CACNA2D3: variants seen among roughly 807,000 people sequenced by gnomAD.
CACNA2D3 encodes the protein calcium voltage-gated channel auxiliary subunit alpha2delta 3, also known as voltage-dependent calcium channel subunit alpha-2/delta-3.
Under a neutral mutation model 160.6 loss-of-function variants are expected in CACNA2D3, and 60 were observed. The observed-to-expected ratio is 0.37, with a 90% CI of 0.30 to 0.46. CACNA2D3 has a LOEUF of 0.46. Ranked by LOEUF, CACNA2D3 falls within the 20% of genes least tolerant of loss-of-function variation. CACNA2D3 has a pLI of 1.00. For synonymous variants in CACNA2D3, 558 were observed against 492.9 expected (o/e 1.13, Z -1.75); for missense variants, 1,205 against 1,365.0 (o/e 0.88, Z 1.85).
chr3:54,356,930 G>C (rs1432089314), intron 3 of CACNA2D3, among the ~76,000 whole-genome samples: 2 of 151,988 alleles, frequency 1.3e-5, no homozygotes, highest in Non-Finnish European at 2.9e-5. Flanking sequence ...ATTCTTCCTG[G>C]TACTTAGCAA....
At chr3:55,018,507 G>A (rs985550275) in intron 35 of CACNA2D3, among the ~76,000 whole-genome samples, 190 bp downstream of exon 35, 3 of 152,206 alleles carry the variant, frequency 2.0e-5, no homozygotes, top group Non-Finnish European at 2.9e-5. Flanking sequence ...TAGACACTGG[G>A]AAGCATTCAG....
At chr3:54,243,251 C>T (rs1211862934) in intron 2 of CACNA2D3, among the ~76,000 whole-genome samples, 9 of 152,164 alleles carry the variant, frequency 5.9e-5, no homozygotes, top group South Asian at 2.1e-4. Context: ...GGGAGACCCG[C>T]GATTGCGTGG....
intron 9 of CACNA2D3, among the ~76,000 whole-genome samples, chr3:54,616,189 T>G (rs911900206): frequency 2.0e-5 from 3 of 152,200 alleles, no homozygotes; most frequent in Non-Finnish European, 4.4e-5. Context: ...CTGACTGGGT[T>G]GTTCTGGCTC....
chr3:54,622,649 G>A (rs940095568), intron 9 of CACNA2D3, among the ~76,000 whole-genome samples: 1 of 151,814 alleles, frequency 6.6e-6, no homozygotes, highest in Non-Finnish European at 1.5e-5. Flanking sequence ...CAATAACAAT[G>A]ATATGATGGC....
chr3:54,871,685 GGGGC>G, intron 18 of CACNA2D3, 63 bp downstream of exon 18: 3 of 1,319,396 alleles, frequency 2.3e-6, no homozygotes, highest in Non-Finnish European at 3.2e-6. Context: ...TCTGTACCTG[GGGGC>G]GATCCCAGGA....
intron 9 of CACNA2D3, among the ~76,000 whole-genome samples, chr3:54,594,453 T>A (rs1451615851): frequency 6.6e-6 from 1 of 152,208 alleles, no homozygotes; most frequent in Non-Finnish European, 1.5e-5. Context: ...AACATTAGCA[T>A]CAGGTTAAAA....
At chr3:54,927,965 G>GGTCACA in intron 27 of CACNA2D3, 1 of 1,575,612 alleles carries the variant, frequency 6.3e-7, no homozygotes, top group East Asian at 2.2e-5. Flanking sequence ...TAATTAATGT[G>GGTCACA]CAGAGCAACA....
At chr3:54,261,181 T>C (rs1702394192) in intron 2 of CACNA2D3, among the ~76,000 whole-genome samples, 2 of 152,210 alleles carry the variant, frequency 1.3e-5, no homozygotes, top group South Asian at 2.1e-4. Flanking sequence ...TTTTAGCATC[T>C]CTCTTCAGCT....
intron 4 of CACNA2D3, among the ~76,000 whole-genome samples, chr3:54,413,255 G>C (rs532639506): frequency 3.1e-4 from 47 of 151,100 alleles, no homozygotes; most frequent in Admixed American, 9.2e-4. Context: ...TGATATATCC[G>C]CCAACATTTG....
At chr3:54,687,121 C>CTTTTTCTTTT in intron 11 of CACNA2D3, among the ~76,000 whole-genome samples, 18 of 94,932 alleles carry the variant, frequency 1.9e-4, no homozygotes, top group Non-Finnish European at 3.3e-4. Flanking sequence ...TTTTCTTTTT[C>CTTTTTCTTTT]TTTTTTTTTT....
chr3:54,718,594 A>G (rs775119254), intron 11 of CACNA2D3, among the ~76,000 whole-genome samples: 6 of 151,962 alleles, frequency 3.9e-5, no homozygotes, highest in Non-Finnish European at 8.8e-5. Flanking sequence ...TGTAAGTCCT[A>G]ATATCTGGTA....
chr3:54,178,241 T>A (rs1439561384), intron 2 of CACNA2D3, among the ~76,000 whole-genome samples: 1 of 152,242 alleles, frequency 6.6e-6, no homozygotes, highest in East Asian at 1.9e-4. Context: ...TGCCCTAAGA[T>A]GAGAAGCTCT....
intron 9 of CACNA2D3, among the ~76,000 whole-genome samples, chr3:54,600,061 TTG>T (rs1703034318): frequency 1.3e-5 from 2 of 152,062 alleles, no homozygotes; most frequent in African/African-American, 4.8e-5. Flanking sequence ...GGACTGGAGG[TTG>T]GAGCTGAAGG....
chr3:54,168,358 A>G (rs1700496892), intron 2 of CACNA2D3, among the ~76,000 whole-genome samples: 1 of 152,196 alleles, frequency 6.6e-6, no homozygotes, highest in African/African-American at 2.4e-5. Flanking sequence ...TTCCTGCAAA[A>G]ATATCATTGG....
intron 27 of CACNA2D3, among the ~76,000 whole-genome samples, chr3:54,907,977 A>T (rs1700482005): frequency 6.6e-6 from 1 of 152,216 alleles, no homozygotes; most frequent in Admixed American, 6.5e-5. Context: ...TCATAAGTTG[A>T]TGGATGCTTT....
chr3:54,817,457 C>T (rs1703481994), intron 14 of CACNA2D3, among the ~76,000 whole-genome samples: 1 of 152,176 alleles, frequency 6.6e-6, no homozygotes, highest in Admixed American at 6.5e-5. Context: ...CAGAAAGACT[C>T]CATGTGGTTG....
intron 11 of CACNA2D3, among the ~76,000 whole-genome samples, chr3:54,696,281 C>CG (rs1700664646): frequency 1.3e-5 from 2 of 152,276 alleles, no homozygotes; most frequent in African/African-American, 4.8e-5. Context: ...CATCTCAAGA[C>CG]GGTGGGCTGG....
chr3:54,857,471 G>A (rs1699197948), intron 17 of CACNA2D3, among the ~76,000 whole-genome samples: 1 of 152,122 alleles, frequency 6.6e-6, no homozygotes, highest in Non-Finnish European at 1.5e-5. Flanking sequence ...GCCAAAGACT[G>A]CCCTTCTCAG....
At chr3:54,958,629 CA>C (rs1385633735) in intron 27 of CACNA2D3, among the ~76,000 whole-genome samples, 1 of 152,100 alleles carries the variant, frequency 6.6e-6, no homozygotes, top group Non-Finnish European at 1.5e-5. Flanking sequence ...GAACTAATAG[CA>C]AAGTCATGAA....
Sources: gnomAD v4.1 joint callset for allele counts (sites outside exome capture counted in the v4.1 genomes callset) on GRCh38, gnomAD v4.1.1 for gene constraint, MANE v1.5 for transcripts, NCBI Gene and HGNC (gene_info 2026-07-23, HGNC 2026-07-21) for gene names.